The following DENND1A variants were observed in gnomAD, a reference collection of about 807,000 sequenced individuals.
DENND1A encodes DENN domain-containing protein 1A.
In DENND1A, 51 loss-of-function variants were observed where a neutral mutation model predicts 113.7. The observed-to-expected ratio is 0.45, with a 90% CI of 0.36 to 0.57. The LOEUF is 0.57. DENND1A is among the 20% of genes least tolerant of loss of function. The pLI is 0.00. For missense variants in DENND1A, 1,258 were observed against 1,395.9 expected, an observed-to-expected ratio of 0.90 and a Z score of 1.57; for synonymous variants, 565 against 570.8, an observed-to-expected ratio of 0.99 and a Z score of 0.14.
At chr9:123,722,428 A>T (rs1215697461) in intron 5 of DENND1A, among the ~76,000 whole-genome samples, 2 of 152,256 alleles carry the variant, frequency 1.3e-5, no homozygotes, top group African/African-American at 2.4e-5. Flanking sequence ...ATAAACGAGG[A>T]GCTGAACGTT....
At chr9:123,482,160 C>T (rs573782386) in intron 13 of DENND1A, among the ~76,000 whole-genome samples, 7 of 150,966 alleles carry the variant, frequency 4.6e-5, no homozygotes, top group African/African-American at 1.2e-4. Context: ...CGCAGTGGCG[C>T]GATCTTGGTT....
In DENND1A at chr9:123,542,849, G is replaced by T. The variant is rs544688354; in HGVS notation, c.993+14721C>A. ...TTACTAATCTCTGGATTGCCTCCCT[G>T]TCTTCTTTTGAATTTCAGCTCCTCC... On this transcript the variant is annotated intron_variant, in intron 13 of 23. Coordinates refer to ENST00000394215, the MANE Select transcript of DENND1A (RefSeq NM_001352964.2). Among the ~76,000 whole-genome samples the T allele has an allele frequency of 2.6e-5, 4 of 152,266 alleles. No individual in the cohort carries two copies. The East Asian group carries it at 7.7e-4, about 29-fold the overall frequency.
chr9:123,783,188 C>T lies in DENND1A; in HGVS notation c.132+9399G>A, dbSNP rs1831586279. Among the ~76,000 whole-genome samples, 2 of 152,152 alleles carry T rather than the reference C, an allele frequency of 1.3e-5. 1 individual carries two copies. The highest frequency in any genetic ancestry group is 4.1e-4 in the South Asian group (2 of 4,826). On this transcript the variant is annotated intron_variant, in intron 3 of 23. Transcript: ENST00000394215. ...AATAAAAAGTAATTATCTGAAACCC[C>T]TTCATCACCATTTAAAGGGTTTTTA...
intron 13 of DENND1A, among the ~76,000 whole-genome samples, chr9:123,474,246 C>T (rs1012910260): frequency 2.0e-5 from 3 of 152,108 alleles, no homozygotes; most frequent in African/African-American, 7.2e-5. Flanking sequence ...CCACCCGCCT[C>T]GGCCTCCCAA....
chr9:123,585,517 T>C (rs1277736971), intron 11 of DENND1A, among the ~76,000 whole-genome samples: 1 of 152,210 alleles, frequency 6.6e-6, no homozygotes, highest in Non-Finnish European at 1.5e-5. Flanking sequence ...ACAATCTCCA[T>C]TTTACACATG....
At chr9:123,504,413 G>A (rs1013052347) in intron 13 of DENND1A, among the ~76,000 whole-genome samples, 2 of 152,214 alleles carry the variant, frequency 1.3e-5, no homozygotes, top group Non-Finnish European at 2.9e-5. Flanking sequence ...AGGCCTGCAC[G>A]GGATGCATGC....
chr9:123,528,321 T>C (rs79548509), intron 13 of DENND1A, among the ~76,000 whole-genome samples: 1,933 of 152,304 alleles, frequency 0.013, 18 homozygotes, highest in Non-Finnish European at 0.022. Context: ...TTCTCCAGTA[T>C]ACTGTTCTTG....
intron 5 of DENND1A, among the ~76,000 whole-genome samples, chr9:123,737,260 T>C (rs2130992339): frequency 6.6e-6 from 1 of 152,262 alleles, no homozygotes; most frequent in South Asian, 2.1e-4. Flanking sequence ...AGTGGTGCAA[T>C]CATAGCTCAC....
chr9:123,870,559 C>T lies in DENND1A; in HGVS notation c.88+8392G>A, dbSNP rs545786839. Among the ~76,000 whole-genome samples, 3 of 151,948 alleles carry T rather than the reference C, an allele frequency of 2.0e-5. No homozygotes were observed. In the East Asian group the frequency reaches 5.8e-4, roughly 29 times the overall value. The stretch of plus-strand genomic sequence containing the variant: ...TCAAGCGATTCTCCTGCCTCAGCCT[C>T]CTGAGTAGCTTGAATTACAGGTGCA... On this transcript the variant is annotated intron_variant, in intron 2 of 23. Transcript: ENST00000394215.
At chr9:123,431,409 C>A (rs2046123819) in intron 19 of DENND1A, among the ~76,000 whole-genome samples, 2 of 152,266 alleles carry the variant, frequency 1.3e-5, no homozygotes, top group South Asian at 4.1e-4. Flanking sequence ...TGTAAGAATA[C>A]CAGAACAGTC....
intron 2 of DENND1A, among the ~76,000 whole-genome samples, chr9:123,844,153 C>T (rs1368911482): frequency 3.3e-5 from 5 of 151,986 alleles, no homozygotes; most frequent in Admixed American, 6.5e-5. Context: ...CTTTAAGATG[C>T]GGATGAAGAA....
intron 2 of DENND1A, among the ~76,000 whole-genome samples, chr9:123,826,143 G>C (rs1035582718): frequency 3.2e-4 from 48 of 152,298 alleles, no homozygotes; most frequent in African/African-American, 1.1e-3. Context: ...GCATAAGCTA[G>C]GGGAAGTTAA....
In DENND1A at chr9:123,440,349, A is replaced by T; in HGVS notation, c.1488+11T>A. Reference sequence around the variant, plus strand: ...AACAAAACAGACAGGTAGGAGGGCCAGGGTACACACCTGTCCAAAGTGGAC... The same window carrying T: ...AACAAAACAGACAGGTAGGAGGGCCTGGGTACACACCTGTCCAAAGTGGAC... On this transcript the variant is annotated intron_variant, in intron 19 of 23. Transcript: ENST00000394215. 6.3e-7 allele frequency: 1 copy of T among 1,587,982 alleles called. No homozygotes were observed. Among genetic ancestry groups the T allele is most frequent in the African/African-American group, 1.4e-5 (1 of 72,388 alleles).
chr9:123,672,186 G>T (rs1037660835), intron 6 of DENND1A, among the ~76,000 whole-genome samples: 1 of 152,192 alleles, frequency 6.6e-6, no homozygotes, highest in African/African-American at 2.4e-5. Flanking sequence ...TGAAATGCAA[G>T]CTCCAGAGCC....
At chr9:123,553,403 C>G (rs1047008108) in intron 13 of DENND1A, among the ~76,000 whole-genome samples, 1 of 151,244 alleles carries the variant, frequency 6.6e-6, no homozygotes, top group African/African-American at 2.4e-5. Flanking sequence ...AAAAGCCGCC[C>G]CCCCCCCGCT....
At chr9:123,551,309 C>T (rs2057030435) in intron 13 of DENND1A, among the ~76,000 whole-genome samples, 1 of 152,200 alleles carries the variant, frequency 6.6e-6, no homozygotes, top group Admixed American at 6.5e-5. Flanking sequence ...AGCCCCTCTG[C>T]CTCAAATGCT....
chr9:123,471,866 C>A (rs970392053), intron 13 of DENND1A, among the ~76,000 whole-genome samples: 1 of 152,190 alleles, frequency 6.6e-6, no homozygotes, highest in Admixed American at 6.5e-5. Context: ...ATATGTCAGA[C>A]GATTTTCTAC....
chr9:123,902,848 A>T (rs1851919874), intron 1 of DENND1A, among the ~76,000 whole-genome samples: 1 of 151,828 alleles, frequency 6.6e-6, no homozygotes, highest in African/African-American at 2.4e-5. Flanking sequence ...TTGATATCAA[A>T]ATCCGACAAG....
intron 13 of DENND1A, among the ~76,000 whole-genome samples, chr9:123,466,309 A>T (rs963503356): frequency 2.7e-4 from 41 of 150,648 alleles, no homozygotes; most frequent in African/African-American, 2.2e-4. Flanking sequence ...TTATTTATTT[A>T]TTTTTTTTGA....
Sources: allele counts gnomAD v4.1 joint callset (sites outside exome capture counted in the v4.1 genomes callset), GRCh38; gene constraint gnomAD v4.1.1; transcripts MANE v1.5; gene names NCBI Gene and HGNC (gene_info 2026-07-23, HGNC 2026-07-21).